ANK3: variants seen among roughly 807,000 people sequenced by gnomAD.
The protein encoded by ANK3 is ankyrin 3.
A neutral mutation model predicts 370.9 loss-of-function variants in ANK3; 57 were observed. That is an observed-to-expected ratio of 0.15 (90% CI 0.12 to 0.19). The LOEUF (loss-of-function observed/expected upper bound fraction) is 0.19, where lower values mean the gene tolerates loss of function less well. Ranked by LOEUF, ANK3 falls within the 10% of genes least tolerant of loss-of-function variation. ANK3 has a pLI of 1.00. For missense variants in ANK3, 4,439 were observed against 5,302.1 expected, an observed-to-expected ratio of 0.84 and a Z score of 5.06; for synonymous variants, 1,929 against 1,946.3, an observed-to-expected ratio of 0.99 and a Z score of 0.23.
intron 2 of ANK3, among the ~76,000 whole-genome samples, chr10:60,599,813 C>T (rs772856664): frequency 2.0e-5 from 3 of 152,172 alleles, no homozygotes; most frequent in Non-Finnish European, 4.4e-5. Flanking sequence ...TAAAATTCAA[C>T]TTTGTCTGTA....
At chr10:60,503,045 T>C (rs940329932) in intron 2 of ANK3, among the ~76,000 whole-genome samples, 12 of 152,156 alleles carry the variant, frequency 7.9e-5, no homozygotes, top group African/African-American at 2.2e-4. Flanking sequence ...TATAAACTTA[T>C]ATTAATATAT....
rs1222768123 is a variant in ANK3 at position 60,546,961 on chromosome 10, G to A, written c.96+68225C>T. 2.6e-5 allele frequency among the ~76,000 whole-genome samples: 4 copies of A among 152,168 alleles called. No individual in the cohort carries two copies. The East Asian group carries it at 7.7e-4, about 29-fold the overall frequency. The stretch of plus-strand genomic sequence containing the variant: ...TAAAATGGAATCACAAAGAGGTAAA[G>A]TGATTTGTCCAAGATCACACAGCTG... On this transcript the variant is annotated intron_variant, in intron 2 of 43. Coordinates refer to the ANK3 transcript ENST00000373827.
chr10:60,233,796 T>C (rs7903787), intron 8 of ANK3, among the ~76,000 whole-genome samples: 6,463 of 152,170 alleles, frequency 0.042, 463 homozygotes, highest in African/African-American at 0.14. Context: ...TCACAATCCA[T>C]AAGCAGACAC....
rs1316064743 is a variant in ANK3, at chr10:60,454,667, C to T, written c.96+160519G>A. Among the ~76,000 whole-genome samples the T allele has an allele frequency of 1.3e-5, 2 of 152,114 alleles. 1 individual carries two copies. The highest frequency in any genetic ancestry group is 4.1e-4 in the South Asian group (2 of 4,826). ...CCTGGGATGACGTTTTTATTACATA[C>T]ACAAAAGGGTTCTGCTGTTCAATTT... On this transcript the variant is annotated intron_variant, in intron 2 of 43. Transcript: ENST00000373827.
chr10:60,684,484 G>T, intron 1 of ANK3: 1 of 1,368,558 alleles, frequency 7.3e-7, no homozygotes, highest in South Asian at 1.4e-5. Context: ...TTCAATTTGG[G>T]ACATTTATTT....
chr10:60,476,503 T>C (rs992985345), intron 2 of ANK3, among the ~76,000 whole-genome samples: 1 of 152,186 alleles, frequency 6.6e-6, no homozygotes, highest in Non-Finnish European at 1.5e-5. Context: ...ACAAAGAGCT[T>C]CATAGAAAAC....
At chr10:60,131,747 T>C (rs564624979) in intron 25 of ANK3, among the ~76,000 whole-genome samples, 14 of 152,060 alleles carry the variant, frequency 9.2e-5, no homozygotes, top group African/African-American at 3.4e-4. Context: ...AGAAGGTGGG[T>C]GGTAGAGTAA....
At chr10:60,544,609 T>C (rs1398430584) in intron 2 of ANK3, among the ~76,000 whole-genome samples, 1 of 151,996 alleles carries the variant, frequency 6.6e-6, no homozygotes, top group Non-Finnish European at 1.5e-5. Context: ...CATATGAAAA[T>C]ATTATTAGAC....
intron 35 of ANK3, chr10:60,081,425 C>T (rs1030485122): frequency 2.6e-6 from 1 of 380,078 alleles, no homozygotes; most frequent in African/African-American, 2.1e-5. Context: ...CCTAAGGCTA[C>T]TTGATTCTAT....
At chr10:60,292,226 G>T (rs2132758380) in intron 1 of ANK3, among the ~76,000 whole-genome samples, 1 of 152,220 alleles carries the variant, frequency 6.6e-6, no homozygotes, top group East Asian at 1.9e-4. Context: ...CGCAGATGGA[G>T]AAACCATTTC....
intron 1 of ANK3, among the ~76,000 whole-genome samples, chr10:60,366,487 C>T (rs983559437): frequency 1.3e-4 from 20 of 152,136 alleles, no homozygotes; most frequent in African/African-American, 4.3e-4. Context: ...TCTGGTTAGG[C>T]TTAGACCTTT....
At chr10:60,058,215 G>A (rs1036639490) in intron 41 of ANK3, among the ~76,000 whole-genome samples, 1 of 152,186 alleles carries the variant, frequency 6.6e-6, no homozygotes, top group African/African-American at 2.4e-5. Context: ...GATAATTAGA[G>A]TGACATTCTT....
chr10:60,520,504 T>C (rs1195122650), intron 2 of ANK3, among the ~76,000 whole-genome samples: 3 of 152,138 alleles, frequency 2.0e-5, no homozygotes, highest in Admixed American at 2.0e-4. Context: ...AAAGAAGTCA[T>C]GAAATAAGAA....
chr10:60,372,378 AG>A (rs1475949526), intron 1 of ANK3, among the ~76,000 whole-genome samples: 7 of 152,130 alleles, frequency 4.6e-5, no homozygotes, highest in Admixed American at 4.6e-4. Context: ...TGGCTAAGAG[AG>A]GATTTAAGGG....
At chr10:60,127,903 T>G (rs951049459) in intron 25 of ANK3, among the ~76,000 whole-genome samples, 1 of 152,058 alleles carries the variant, frequency 6.6e-6, no homozygotes, top group African/African-American at 2.4e-5. Flanking sequence ...TTCACCGTGT[T>G]AGCCAGGATG....
intron 7 of ANK3, among the ~76,000 whole-genome samples, chr10:60,259,519 C>T (rs575665867): frequency 2.6e-5 from 4 of 152,330 alleles, no homozygotes; most frequent in East Asian, 3.9e-4. Context: ...AGGTTAACAA[C>T]GTGGGTCTGA....
At chr10:60,210,500 G>A (rs993828896) in intron 9 of ANK3, among the ~76,000 whole-genome samples, 4 of 152,156 alleles carry the variant, frequency 2.6e-5, no homozygotes, top group African/African-American at 9.7e-5. Context: ...AGATGGCAAG[G>A]AAGGAGCAAA....
rs2076386944 is a variant in ANK3 at position 60,523,105 on chromosome 10, A to C, written c.96+92081T>G. ...CCATTAAAAAGATATCAAGTAATCTACTTTTGCCCATTTCAGAGTCTTTAA... is the reference window on the plus strand; with the variant it reads ...CCATTAAAAAGATATCAAGTAATCTCCTTTTGCCCATTTCAGAGTCTTTAA... On this transcript the variant is annotated intron_variant, in intron 2 of 43. Transcript: ENST00000373827. Among the ~76,000 whole-genome samples, 5 of 152,110 alleles carry C rather than the reference A, an allele frequency of 3.3e-5. No individual in the cohort carries two copies. In the South Asian group the frequency reaches 1.0e-3, roughly 32 times the overall value.
chr10:60,548,181 T>C (rs1178440397), intron 2 of ANK3, among the ~76,000 whole-genome samples: 1 of 151,026 alleles, frequency 6.6e-6, no homozygotes, highest in Non-Finnish European at 1.5e-5. Context: ...ATCAAATGAA[T>C]TTCAAACCCA....
Sources: gnomAD v4.1 joint callset for allele counts (sites outside exome capture counted in the v4.1 genomes callset) on GRCh38, gnomAD v4.1.1 for gene constraint, MANE v1.5 for transcripts, NCBI Gene and HGNC (gene_info 2026-07-23, HGNC 2026-07-21) for gene names.